RBPMS: variants seen among roughly 807,000 people sequenced by gnomAD.
RBPMS encodes RNA binding protein, mRNA processing factor, also known as RNA-binding protein with multiple splicing.
A neutral mutation model predicts 26.8 loss-of-function variants in RBPMS; 7 were observed. The observed-to-expected ratio is 0.26, with a 90% CI of 0.15 to 0.49. The LOEUF is 0.49. Ranked by LOEUF, RBPMS falls within the 20% of genes least tolerant of loss-of-function variation. The pLI is 0.98. For synonymous variants in RBPMS, 96 were observed against 93.3 expected, an observed-to-expected ratio of 1.03 and a Z score of -0.17; for missense variants, 186 against 250.0, an observed-to-expected ratio of 0.74 and a Z score of 1.73.
At chr8:30,420,144 C>G (rs886779254) in intron 1 of RBPMS, among the ~76,000 whole-genome samples, 16 of 151,718 alleles carry the variant, frequency 1.1e-4, no homozygotes, top group Non-Finnish European at 7.4e-5. Flanking sequence ...GGGAGGATCA[C>G]TTGAGCTTGG....
chr8:30,563,897 A>G (rs915376399), intron 7 of RBPMS, among the ~76,000 whole-genome samples: 6 of 152,326 alleles, frequency 3.9e-5, no homozygotes, highest in Admixed American at 3.9e-4. Context: ...ACCAACCAGT[A>G]TGAGGCTGTG....
chr8:30,474,838 G>A lies in RBPMS; in HGVS notation c.126G>A (p.Leu42=). Residue 42 remains leucine, a synonymous_variant, in exon 2 of 9, where the codon CTG becomes CTA. Transcript: ENST00000397323. ...ATATCAAACCTCGGGAGCTCTATCT[G>A]CTTTTCAGACCATTTAAGGTACCTT... ...PLDIKPRELY[L]LFRPFKGYEG... 1 of 1,608,230 alleles carries A rather than the reference G, an allele frequency of 6.2e-7. No homozygotes were observed. The highest frequency in any genetic ancestry group is 8.5e-7 in the Non-Finnish European group (1 of 1,174,876).
At chr8:30,444,862 C>T (rs1813549644) in intron 1 of RBPMS, 1 of 152,214 alleles carries the variant, frequency 6.6e-6, no homozygotes, top group Non-Finnish European at 1.5e-5. Context: ...CTTGACTTGC[C>T]TCTACTCTTA....
intron 1 of RBPMS, among the ~76,000 whole-genome samples, chr8:30,469,770 C>A (rs960636149): frequency 6.6e-6 from 1 of 152,138 alleles, no homozygotes; most frequent in East Asian, 1.9e-4. Context: ...GTTCAGTTGG[C>A]GTAGTAATTC....
At position 30,439,014 on chromosome 8, in the gene RBPMS, T is replaced by C. The variant is rs1040456284; in HGVS notation, c.67-35765T>C. On this transcript the variant is annotated intron_variant, in intron 1 of 8. Coordinates refer to ENST00000397323, the MANE Select transcript of RBPMS (RefSeq NM_001008710.3). Reference sequence around the variant, plus strand: ...CTAGTCTCAAACTCCTGACCTCATGTGATCCACCTGCTTTGGCCTCCCAAA... The same window carrying C: ...CTAGTCTCAAACTCCTGACCTCATGCGATCCACCTGCTTTGGCCTCCCAAA... 3.9e-5 allele frequency among the ~76,000 whole-genome samples: 6 copies of C among 152,210 alleles called. No homozygotes were observed. The East Asian group carries it at 1.2e-3, about 29-fold the overall frequency.
chr8:30,421,172 AGTGT>A (rs1043847023), intron 1 of RBPMS, among the ~76,000 whole-genome samples: 3 of 150,490 alleles, frequency 2.0e-5, no homozygotes, highest in East Asian at 1.9e-4. Flanking sequence ...TGTGAGAGAG[AGTGT>A]GTGTGTGTGA....
At chr8:30,512,655 T>G (rs1821842588) in intron 5 of RBPMS, among the ~76,000 whole-genome samples, 1 of 152,102 alleles carries the variant, frequency 6.6e-6, no homozygotes, top group African/African-American at 2.4e-5. Flanking sequence ...AGAGATGGGA[T>G]CTCGCTGTGT....
intron 1 of RBPMS, among the ~76,000 whole-genome samples, chr8:30,466,290 G>A (rs1585561812): frequency 6.6e-6 from 1 of 152,200 alleles, no homozygotes; most frequent in African/African-American, 2.4e-5. Flanking sequence ...GCTTACACCT[G>A]TAATCTCAAT....
chr8:30,539,656 C>T (rs934089699), intron 5 of RBPMS, among the ~76,000 whole-genome samples: 3 of 146,692 alleles, frequency 2.0e-5, no homozygotes, highest in East Asian at 2.0e-4. Flanking sequence ...GACAGAGTCT[C>T]GCTCTGTCGC....
At chr8:30,494,254 G>T (rs1483040892) in intron 4 of RBPMS, among the ~76,000 whole-genome samples, 2 of 152,188 alleles carry the variant, frequency 1.3e-5, no homozygotes, top group African/African-American at 4.8e-5. Context: ...TCTCCCAATT[G>T]GGGCAGTCTC....
At chr8:30,523,030 C>G (rs1796485572) in intron 5 of RBPMS, among the ~76,000 whole-genome samples, 2 of 152,082 alleles carry the variant, frequency 1.3e-5, no homozygotes, top group Admixed American at 1.3e-4. Flanking sequence ...GTTTTCCTAT[C>G]CCTCAAAATT....
intron 6 of RBPMS, chr8:30,549,637 C>T (rs372739646): frequency 7.9e-5 from 112 of 1,409,784 alleles, no homozygotes; most frequent in Middle Eastern, 1.8e-4. Context: ...GAGGGGCGGA[C>T]GGGGAGGCCA....
chr8:30,568,825 A>AT (rs146264456), intron 8 of RBPMS, among the ~76,000 whole-genome samples: 3,102 of 152,222 alleles, frequency 0.02, 104 homozygotes, highest in African/African-American at 0.071. Context: ...AGGGACTGAA[A>AT]TAGCCACATT....
chr8:30,460,201 A>G (rs1437084911), intron 1 of RBPMS, among the ~76,000 whole-genome samples: 1 of 152,250 alleles, frequency 6.6e-6, no homozygotes, highest in African/African-American at 2.4e-5. Flanking sequence ...AAGCTAATCT[A>G]AACTAAAAAT....
chr8:30,456,987 T>C (rs1247496976), intron 1 of RBPMS, among the ~76,000 whole-genome samples: 3 of 152,200 alleles, frequency 2.0e-5, no homozygotes, highest in Non-Finnish European at 4.4e-5. Flanking sequence ...TCTGGGATGT[T>C]GGTCGTATCT....
chr8:30,487,066 T>C (rs1050882161), intron 4 of RBPMS, among the ~76,000 whole-genome samples: 1 of 152,184 alleles, frequency 6.6e-6, no homozygotes, highest in African/African-American at 2.4e-5. Flanking sequence ...TTGTGGAACA[T>C]GAAGTGCCGA....
intron 4 of RBPMS, among the ~76,000 whole-genome samples, chr8:30,480,210 T>C (rs1214360629): frequency 2.6e-5 from 4 of 152,100 alleles, no homozygotes; most frequent in Non-Finnish European, 4.4e-5. Context: ...GTGTTTAGGG[T>C]GCTTCCTACA....
chr8:30,549,691 G>T (rs1368361021), intron 6 of RBPMS: 1 of 776,080 alleles, frequency 1.3e-6, no homozygotes, highest in Non-Finnish European at 2.2e-6. Context: ...AGTGGGCTGG[G>T]TCTCCTTTCC....
chr8:30,445,864 A>G (rs1056955202), intron 1 of RBPMS, among the ~76,000 whole-genome samples: 1 of 151,684 alleles, frequency 6.6e-6, no homozygotes, highest in Non-Finnish European at 1.5e-5. Flanking sequence ...GGGTTTCACC[A>G]TGTTGCCCCA....
Sources: gnomAD v4.1 joint callset for allele counts (sites outside exome capture counted in the v4.1 genomes callset) on GRCh38, gnomAD v4.1.1 for gene constraint, MANE v1.5 for transcripts, NCBI Gene and HGNC (gene_info 2026-07-23, HGNC 2026-07-21) for gene names.